Variants in LMLN observed in about 807,000 individuals in gnomAD.
LMLN encodes leishmanolysin-like peptidase.
In LMLN, 70 loss-of-function variants were observed where a neutral mutation model predicts 92.3. The observed-to-expected ratio is 0.76, with a 90% CI of 0.63 to 0.92. The LOEUF is 0.92. Ranked by LOEUF, LMLN falls within the 40% of genes least tolerant of loss-of-function variation. The pLI is 0.00. For missense variants in LMLN, 691 were observed against 814.6 expected (o/e 0.85, Z 1.85); for synonymous variants, 308 against 296.2 (o/e 1.04, Z -0.41).
At chr3:197,987,902 T>C (rs1306790653) in intron 8 of LMLN, among the ~76,000 whole-genome samples, 1 of 152,212 alleles carries the variant, frequency 6.6e-6, no homozygotes, top group Non-Finnish European at 1.5e-5. Flanking sequence ...CATTGTTGTA[T>C]TTCCAGGACT....
intron 14 of LMLN, among the ~76,000 whole-genome samples, chr3:198,027,182 G>A (rs116601487): frequency 4.9e-4 from 74 of 151,970 alleles, no homozygotes; most frequent in African/African-American, 1.8e-3. Context: ...TCCACATCCC[G>A]TCCACTTTCT....
intron 11 of LMLN, chr3:197,999,857 T>C (rs1722123806): frequency 6.6e-6 from 1 of 152,264 alleles, no homozygotes; most frequent in African/African-American, 2.4e-5. Context: ...GACATAGTAA[T>C]AATTAGGACA....
At chr3:198,008,605 T>C (rs1199986801) in intron 11 of LMLN, among the ~76,000 whole-genome samples, 1 of 152,312 alleles carries the variant, frequency 6.6e-6, no homozygotes, top group Middle Eastern at 3.4e-3. Context: ...CCCATGCCTG[T>C]AGTCCCAGCT....
rs1171025660 is a variant in LMLN at position 198,025,724 on chromosome 3, A to C, written c.1656+936A>C. ...ATCTGATATTATATGACATCACCTT[A>C]TTAAGGACTTATAAAGATGTAGCCA... On this transcript the variant is annotated intron_variant, in intron 14 of 15. Coordinates refer to ENST00000330198, the Ensembl canonical transcript of LMLN. This position sits in a 1 kb window ranked among gnomAD's most constrained non-coding sequence, Gnocchi z 4.3. 1.3e-5 allele frequency among the ~76,000 whole-genome samples: 2 copies of C among 152,200 alleles called. No homozygotes were observed. The highest frequency in any genetic ancestry group is 2.9e-5 in the Non-Finnish European group (2 of 68,038).
chr3:197,960,436 C>T, exon 1 of LMLN: 1 of 1,613,408 alleles, frequency 6.2e-7, no homozygotes, highest in Non-Finnish European at 8.5e-7. Context: ...CCCTCTGACA[C>T]TGAGGTAGGG....
rs80060638 is a variant in LMLN at position 197,969,737 on chromosome 3, A to C, written c.220-4640A>C. On this transcript the variant is annotated intron_variant, in intron 1 of 15. Transcript: ENST00000330198. ...TGTAGTGTACTTATGGTATCTATTTAAAATAGTCATGTTAAATATGGGACA... is the reference window on the plus strand; with the variant it reads ...TGTAGTGTACTTATGGTATCTATTTCAAATAGTCATGTTAAATATGGGACA... 2.0e-5 allele frequency among the ~76,000 whole-genome samples: 3 copies of C among 152,346 alleles called. No homozygotes were observed. In the East Asian group the frequency reaches 5.8e-4, roughly 29 times the overall value.
chr3:198,008,837 G>A (rs1412778483), intron 11 of LMLN, among the ~76,000 whole-genome samples: 4 of 152,052 alleles, frequency 2.6e-5, no homozygotes, highest in African/African-American at 7.2e-5. Flanking sequence ...CAAAACTCTT[G>A]TGTCACTTTG....
At chr3:198,029,696 A>G (rs1208148571) in intron 14 of LMLN, among the ~76,000 whole-genome samples, 1 of 151,874 alleles carries the variant, frequency 6.6e-6, no homozygotes, top group East Asian at 1.9e-4. Context: ...AAACAGAAAA[A>G]CACACAAAAA....
rs188138795 is a variant in LMLN at position 197,970,691 on chromosome 3, T to A, written c.220-3686T>A. Among the ~76,000 whole-genome samples, 5 of 152,334 alleles carry A rather than the reference T, an allele frequency of 3.3e-5. No individual in the cohort carries two copies. In the East Asian group the frequency reaches 9.6e-4, roughly 29 times the overall value. On this transcript the variant is annotated intron_variant, in intron 1 of 15. Transcript: ENST00000330198. ...GTTTCTGCAAATAGTTTAGACACAA[T>A]GAGCCATCCTTATAACCTAGTGAAG...
chr3:198,042,376 G>A lies in LMLN; in HGVS notation c.*3709G>A, dbSNP rs548992787. The A allele has an allele frequency of 1.3e-5, 2 of 151,188 alleles. No homozygotes were observed. The highest frequency in any genetic ancestry group is 4.2e-4 in the South Asian group (2 of 4,818). 9.4% of individuals were successfully genotyped at this position (151,188 alleles called of 1,614,324 possible). A position where few individuals can be genotyped will look rare whatever the true frequency, so the allele number is the denominator to read the frequency against. On this transcript the variant is annotated 3_prime_UTR_variant, in exon 16 of 16. Coordinates refer to ENST00000330198, the Ensembl canonical transcript of LMLN. This position sits in a 1 kb window ranked among gnomAD's most constrained non-coding sequence, Gnocchi z 4.2. ...TGCACTGCAGCCTGGATGACAGAGT[G>A]AGACTTTCTTGGGAAAAAAAAAAAT...
chr3:198,034,609 TA>T (rs1361894642), intron 14 of LMLN, among the ~76,000 whole-genome samples: 1 of 151,894 alleles, frequency 6.6e-6, no homozygotes, highest in Non-Finnish European at 1.5e-5. Context: ...AGACTTGGTC[TA>T]AAAAAAATAA....
chr3:198,038,936 A>ACCACCTCGTCAGCAACCCAG, exon 16 of LMLN: 2 of 246,820 alleles, frequency 8.1e-6, no homozygotes, highest in Admixed American at 5.4e-5. Flanking sequence ...CAGCAACCCA[A>ACCACCTCGTCAGCAACCCAG]CCACCTCGTC....
intron 1 of LMLN, among the ~76,000 whole-genome samples, chr3:197,972,594 G>A (rs1721260388): frequency 6.6e-6 from 1 of 151,692 alleles, no homozygotes; most frequent in African/African-American, 2.4e-5. Context: ...CCCCCATTGT[G>A]GATCTCATTT....
intron 13 of LMLN, among the ~76,000 whole-genome samples, chr3:198,023,474 C>T (rs1413600647): frequency 6.6e-6 from 1 of 152,158 alleles, no homozygotes; most frequent in Non-Finnish European, 1.5e-5. Flanking sequence ...TAGGCTTGAG[C>T]CACCACATCC....
chr3:197,977,845 A>T (rs577175457), intron 5 of LMLN, among the ~76,000 whole-genome samples: 1 of 151,844 alleles, frequency 6.6e-6, no homozygotes, highest in African/African-American at 2.4e-5. Context: ...CACACGTTAA[A>T]TCTGGATACA....
At chr3:197,969,087 CT>C (rs879484358) in intron 1 of LMLN, among the ~76,000 whole-genome samples, 251 of 144,216 alleles carry the variant, frequency 1.7e-3, no homozygotes, top group Middle Eastern at 3.6e-3. Context: ...TTCTCTCTGT[CT>C]TTTTTTTTTT....
intron 9 of LMLN, among the ~76,000 whole-genome samples, chr3:197,992,098 A>G (rs1721891018): frequency 6.7e-6 from 1 of 150,186 alleles, no homozygotes; most frequent in Non-Finnish European, 1.5e-5. Flanking sequence ...TCAAAAAAAA[A>G]AAAAAAAAGA....
exon 16 of LMLN, chr3:198,038,793 A>G: frequency 1.4e-6 from 1 of 728,402 alleles, no homozygotes; most frequent in Non-Finnish European, 2.4e-6. Context: ...GCTTGGAAGA[A>G]TTGACGACCA....
chr3:198,024,829 G>T, intron 14 of LMLN, 41 bp downstream of exon 15: 2 of 1,517,350 alleles, frequency 1.3e-6, no homozygotes, highest in Non-Finnish European at 1.8e-6. Context: ...AATATTATGT[G>T]ATTTTATCTC....
Sources: gnomAD v4.1 joint callset for allele counts (sites outside exome capture counted in the v4.1 genomes callset) on GRCh38, gnomAD v4.1.1 for gene constraint, Gnocchi (gnomAD v3.1) non-coding constraint, MANE v1.5 for transcripts, NCBI Gene and HGNC (gene_info 2026-07-23, HGNC 2026-07-21) for gene names.